The following NFIC variants were observed in gnomAD, a reference collection of about 807,000 sequenced individuals.
NFIC encodes the protein nuclear factor 1 C-type.
A neutral mutation model predicts 54.4 loss-of-function variants in NFIC; 12 were observed. The observed-to-expected ratio is 0.22, with a 90% CI of 0.14 to 0.36. The LOEUF is 0.36. Ranked by LOEUF, NFIC falls within the 10% of genes least tolerant of loss-of-function variation. NFIC has a pLI of 1.00. For synonymous variants in NFIC, 322 were observed against 319.2 expected (o/e 1.01, Z -0.09); for missense variants, 575 against 718.2 (o/e 0.80, Z 2.28).
At chr19:3,414,780 CTG>C (rs1195591431) in intron 2 of NFIC, among the ~76,000 whole-genome samples, 2 of 152,066 alleles carry the variant, frequency 1.3e-5, no homozygotes, top group African/African-American at 4.8e-5. Context: ...AACCCCGACT[CTG>C]TGATGCTGGG....
chr19:3,362,389 T>G (rs1004600301), upstream of NFIC, among the ~76,000 whole-genome samples: 4 of 151,378 alleles, frequency 2.6e-5, no homozygotes, highest in Non-Finnish European at 5.9e-5. Flanking sequence ...TGTTTGTGGC[T>G]GTGTGTGTGC....
At position 3,386,314 on chromosome 19, in the gene NFIC, C is replaced by CTT. The variant is rs35622819; in HGVS notation, c.562+4096_562+4097dup. On this transcript the variant is annotated intron_variant, in intron 2 of 10. Coordinates refer to ENST00000443272, the MANE Select transcript of NFIC (RefSeq NM_001245002.2). ...TGAGGCAAGGATCATTGCTGTATGC[C>CTT]TTTTTTTTTTTTTTTTTTTTTTTTT... Among the ~76,000 whole-genome samples, 354 of 69,110 alleles carry CTT rather than the reference C, an allele frequency of 5.1e-3. 33 individuals are homozygous for CTT. Among genetic ancestry groups the CTT allele is most frequent in the African/African-American group, 0.017 (327 of 19,526 alleles). 45.3% of individuals were successfully genotyped at this position (69,110 alleles called of 152,430 possible).
chr19:3,384,048 T>TG (rs2081253763), intron 2 of NFIC, among the ~76,000 whole-genome samples: 1 of 134,524 alleles, frequency 7.4e-6, no homozygotes, highest in African/African-American at 2.9e-5. Context: ...AGTTACCCAG[T>TG]GTTTTTTTTT....
intron 1 of NFIC, among the ~76,000 whole-genome samples, chr19:3,380,195 G>A (rs766616142): frequency 8.7e-5 from 13 of 150,168 alleles, no homozygotes; most frequent in South Asian, 2.1e-4. Context: ...CAGTAGAGAC[G>A]GGGTTTCACT....
intron 9 of NFIC, chr19:3,454,148 G>A: frequency 7.7e-7 from 1 of 1,297,430 alleles, no homozygotes; most frequent in Non-Finnish European, 9.7e-7. Context: ...TCCAGGGTCT[G>A]TCCCCTTCGC....
intron 6 of NFIC, among the ~76,000 whole-genome samples, chr19:3,439,170 TAA>T (rs769503632): frequency 1.1e-4 from 15 of 131,636 alleles, no homozygotes; most frequent in South Asian, 2.4e-4. Flanking sequence ...CATCTCTACT[TAA>T]AAAAAAAAAA....
chr19:3,408,207 C>T (rs993114716), intron 2 of NFIC, among the ~76,000 whole-genome samples: 2 of 152,080 alleles, frequency 1.3e-5, no homozygotes, highest in Non-Finnish European at 2.9e-5. Flanking sequence ...CCTGCTGGGG[C>T]CCAAGTGGAC....
upstream of NFIC, among the ~76,000 whole-genome samples, chr19:3,365,831 C>T (rs944136646): frequency 6.6e-6 from 1 of 151,170 alleles, no homozygotes; most frequent in Admixed American, 6.5e-5. Flanking sequence ...TGGAGCCTCC[C>T]GTGTTAGCCT....
rs34904219 is a variant in NFIC at position 3,438,278 on chromosome 19, TG to T, written c.958+3077del. Among the ~76,000 whole-genome samples, 66 of 132,766 alleles carry T rather than the reference TG, an allele frequency of 5.0e-4. No individual in the cohort carries two copies. The East Asian group carries it at 0.029, about 59-fold the overall frequency. The allele number at this position is 132,766 out of a possible 152,430, so 87.1% of individuals were successfully genotyped here. ...CCACTGGGGAAGGAGGTGGTAGCAA[TG>T]GGGGGAGGACAAAGAGGAAGCCCCC... On this transcript the variant is annotated intron_variant, in intron 6 of 10. Transcript: ENST00000443272.
intron 3 of NFIC, among the ~76,000 whole-genome samples, chr19:3,431,725 A>G (rs2082123584): frequency 6.6e-6 from 1 of 151,482 alleles, no homozygotes. Context: ...GCTGATCTCA[A>G]ACTCCTGAGC....
In NFIC at chr19:3,375,163, G is replaced by A. The variant is rs2081084594; in HGVS notation, c.31-6549G>A. ...GGGGTTGGGGAGAGAAGGAGTTGGG[G>A]GGACAGTGATCCCTGCCCCCATCAT... is the stretch of plus-strand genomic sequence containing the variant. On this transcript the variant is annotated intron_variant, in intron 1 of 10. Coordinates refer to ENST00000443272, the MANE Select transcript of NFIC (RefSeq NM_001245002.2). This position sits in a 1 kb window ranked among gnomAD's most constrained non-coding sequence, Gnocchi z 4.6. Among the ~76,000 whole-genome samples, 3 of 151,832 alleles carry A rather than the reference G, an allele frequency of 2.0e-5. No homozygotes were observed. The highest frequency in any genetic ancestry group is 7.3e-5 in the African/African-American group (3 of 41,298).
At chr19:3,381,676 C>T (rs1364902368) in intron 1 of NFIC, 36 bp from the exon 2 acceptor site, 6 of 1,605,718 alleles carry the variant, frequency 3.7e-6, no homozygotes, top group Non-Finnish European at 5.1e-6. Flanking sequence ...CTCTGCGTCC[C>T]TGGCGCTCCT....
chr19:3,406,925 C>T (rs923744134), intron 2 of NFIC, among the ~76,000 whole-genome samples: 3 of 151,468 alleles, frequency 2.0e-5, no homozygotes, highest in African/African-American at 7.3e-5. Flanking sequence ...TGCAAAGGCC[C>T]TGAGGCAGGA....
intron 2 of NFIC, among the ~76,000 whole-genome samples, chr19:3,418,473 AC>A (rs2081902739): frequency 6.6e-6 from 1 of 152,176 alleles, no homozygotes; most frequent in Non-Finnish European, 1.5e-5. Context: ...TGGCTGTAGA[AC>A]GTGAGGAGTT....
In NFIC at chr19:3,452,422, G is replaced by T. The variant is rs1186741475; in HGVS notation, c.1085-60G>T. 7 of 1,585,284 alleles carry T rather than the reference G, an allele frequency of 4.4e-6. No individual in the cohort carries two copies. The East Asian group carries it at 1.3e-4, about 31-fold the overall frequency. ...GACACCCACAGACACACAGTCACAC[G>T]GTCACAGAGCAGACCGGCTGGAGCC... On this transcript the variant is annotated intron_variant, in intron 7 of 10. Transcript: ENST00000443272. The surrounding 1 kb of genome is among the most constrained non-coding windows in gnomAD (Gnocchi z 5.3).
At chr19:3,461,834 T>G (rs2082642992) in intron 10 of NFIC, among the ~76,000 whole-genome samples, 1 of 151,658 alleles carries the variant, frequency 6.6e-6, no homozygotes, top group Non-Finnish European at 1.5e-5. Flanking sequence ...GGCGGGCGGA[T>G]CACGAGGTCA....
intron 3 of NFIC, among the ~76,000 whole-genome samples, chr19:3,430,703 G>A (rs975126950): frequency 2.0e-5 from 3 of 152,008 alleles, no homozygotes; most frequent in East Asian, 1.9e-4. Flanking sequence ...GGAGGCCAAG[G>A]TGGGTGGATC....
chr19:3,450,485 G>A (rs1428915672), intron 7 of NFIC, among the ~76,000 whole-genome samples: 2 of 151,756 alleles, frequency 1.3e-5, no homozygotes, highest in Non-Finnish European at 2.9e-5. Flanking sequence ...GTGAAATCTC[G>A]TTTCTACTAA....
At chr19:3,371,879 C>T (rs2081016205) in intron 1 of NFIC, among the ~76,000 whole-genome samples, 1 of 147,574 alleles carries the variant, frequency 6.8e-6, no homozygotes, top group African/African-American at 2.5e-5. Context: ...TTTTCTTTCT[C>T]TCTCCTTCCT....
Sources: gnomAD v4.1 joint callset for allele counts (sites outside exome capture counted in the v4.1 genomes callset) on GRCh38, gnomAD v4.1.1 for gene constraint, Gnocchi (gnomAD v3.1) non-coding constraint, MANE v1.5 for transcripts, NCBI Gene and HGNC (gene_info 2026-07-23, HGNC 2026-07-21) for gene names.